The following VWA3B variants were observed in gnomAD, a reference collection of about 807,000 sequenced individuals.
VWA3B encodes the protein von Willebrand factor A domain-containing protein 3B.
A neutral mutation model predicts 158.3 loss-of-function variants in VWA3B; 138 were observed. The ratio of observed to expected loss-of-function variants is 0.87; its 90% confidence interval spans 0.76 to 1.00. VWA3B has a LOEUF of 1.00. VWA3B is among the 50% of genes least tolerant of loss of function. VWA3B has a pLI of 0.00. For synonymous variants in VWA3B, 596 were observed against 587.3 expected (o/e 1.01, Z -0.21); for missense variants, 1,555 against 1,565.1 (o/e 0.99, Z 0.11).
rs561474725 is a variant in VWA3B, at chr2:98,106,597, C to A, written c.197-9055C>A. 3.9e-5 allele frequency among the ~76,000 whole-genome samples: 6 copies of A among 152,152 alleles called. No individual in the cohort carries two copies. The Middle Eastern group carries it at 0.01, about 261-fold the overall frequency. The stretch of plus-strand genomic sequence containing the variant: ...GTCTTAAAATTTTCAGTATACGAAG[C>A]CTGCACATGTTTTGTTAGATTTATA... On this transcript the variant is annotated intron_variant, in intron 2 of 27. Transcript: ENST00000477737.
intron 11 of VWA3B, 56 bp from the exon 12 acceptor site, chr2:98,194,305 A>T (rs531245731): frequency 2.5e-6 from 4 of 1,585,056 alleles, no homozygotes; most frequent in South Asian, 2.3e-5. Flanking sequence ...TGGCCTACCC[A>T]AACCCTTTCT....
intron 16 of VWA3B, 22 bp from the exon 17 acceptor site, chr2:98,234,626 C>T: frequency 6.2e-7 from 1 of 1,614,032 alleles, no homozygotes; most frequent in Non-Finnish European, 8.5e-7. Flanking sequence ...TCCTTTAACT[C>T]TTCCCTCTGT....
intron 21 of VWA3B, among the ~76,000 whole-genome samples, chr2:98,261,177 T>G (rs1687456560): frequency 6.6e-6 from 1 of 151,866 alleles, no homozygotes; most frequent in Non-Finnish European, 1.5e-5. Context: ...TTTCCTTTTC[T>G]GTATACTTTT....
chr2:98,110,108 C>G (rs116740774), intron 2 of VWA3B, among the ~76,000 whole-genome samples: 1 of 150,692 alleles, frequency 6.6e-6, no homozygotes, highest in African/African-American at 2.4e-5. Flanking sequence ...TTTCTTCCCC[C>G]TACCCTCTTT....
chr2:98,307,799 C>T (rs1690620635), intron 26 of VWA3B, among the ~76,000 whole-genome samples: 2 of 152,224 alleles, frequency 1.3e-5, no homozygotes, highest in African/African-American at 4.8e-5. Context: ...ACATCTCCAA[C>T]AGAACATTAT....
rs1679138202 is a variant in VWA3B at position 98,166,985 on chromosome 2, A to T, written c.1114+4009A>T. On this transcript the variant is annotated intron_variant, in intron 8 of 27. Coordinates refer to ENST00000477737, the MANE Select transcript of VWA3B (RefSeq NM_144992.5). ...TCTGGCCCTCTATACCACGTGTCCGACCTGCTCTCATTCCCACCGCAGCCC... is the reference window on the plus strand; with the variant it reads ...TCTGGCCCTCTATACCACGTGTCCGTCCTGCTCTCATTCCCACCGCAGCCC... Among the ~76,000 whole-genome samples the T allele has an allele frequency of 2.0e-5, 3 of 152,192 alleles. No individual in the cohort carries two copies. The South Asian group carries it at 6.2e-4, about 32-fold the overall frequency.
intron 1 of VWA3B, among the ~76,000 whole-genome samples, chr2:98,088,762 AT>A (rs967381124): frequency 2.7e-5 from 4 of 150,388 alleles, no homozygotes; most frequent in Admixed American, 1.3e-4. Flanking sequence ...ATCCCCCTTT[AT>A]TTTTTTTTGA....
intron 7 of VWA3B, 191 bp downstream of exon 7, chr2:98,134,130 C>T: frequency 6.6e-6 from 4 of 609,168 alleles, no homozygotes; most frequent in Non-Finnish European, 1.2e-5. Context: ...CATAAGTTTA[C>T]AATCCAGGGA....
intron 20 of VWA3B, among the ~76,000 whole-genome samples, chr2:98,255,182 A>ATT (rs769708577): frequency 0.65 from 33,479 of 51,570 alleles, 13,159 homozygotes; most frequent in South Asian, 0.77. Context: ...CCCGGCTGAT[A>ATT]TTTTTTTTTT....
chr2:98,315,428 G>A (rs927547537), downstream of VWA3B, among the ~76,000 whole-genome samples: 5 of 152,174 alleles, frequency 3.3e-5, no homozygotes, highest in Non-Finnish European at 7.3e-5. Context: ...CTATAGGGAT[G>A]GAGTGATTGA....
At chr2:98,317,331 A>ACCC (rs11409838), downstream of VWA3B, among the ~76,000 whole-genome samples, 1,068 of 150,846 alleles carry the variant, frequency 7.1e-3, 10 homozygotes, top group African/African-American at 0.025. Flanking sequence ...AAAATTCTAA[A>ACCC]CCCCCCCCAG....
chr2:98,169,143 C>T (rs1679361335), intron 8 of VWA3B, among the ~76,000 whole-genome samples: 2 of 152,186 alleles, frequency 1.3e-5, no homozygotes, highest in Admixed American at 1.3e-4. Context: ...AGGATGACAG[C>T]AGATTTCTCA....
chr2:98,247,302 AT>A (rs543115051), intron 19 of VWA3B, among the ~76,000 whole-genome samples: 1 of 151,834 alleles, frequency 6.6e-6, no homozygotes, highest in Non-Finnish European at 1.5e-5. Flanking sequence ...CCAGCCAACA[AT>A]TTTTTTTAAC....
At chr2:98,218,503 T>A (rs955948144) in intron 14 of VWA3B, among the ~76,000 whole-genome samples, 1 of 152,204 alleles carries the variant, frequency 6.6e-6, no homozygotes. Context: ...ACACAGATAT[T>A]TGTAGAAAAT....
At chr2:98,171,253 C>T (rs766408560) in intron 8 of VWA3B, among the ~76,000 whole-genome samples, 1 of 152,138 alleles carries the variant, frequency 6.6e-6, no homozygotes, top group Non-Finnish European at 1.5e-5. Flanking sequence ...CCATCTCTTG[C>T]TCCGTGAAGG....
In VWA3B at chr2:98,185,584, C is replaced by T. The variant is rs548808682; in HGVS notation, c.1312-2391C>T. Among the ~76,000 whole-genome samples, 3 of 152,346 alleles carry T rather than the reference C, an allele frequency of 2.0e-5. No individual in the cohort carries two copies. The East Asian group carries it at 5.8e-4, about 29-fold the overall frequency. On this transcript the variant is annotated intron_variant, in intron 9 of 27. Transcript: ENST00000477737. Reference sequence around the variant, plus strand: ...AACACCTAGCACCTTCCGCTCCACGCTCACTCCACTCACTCTCTGCAGGTG... The same window carrying T: ...AACACCTAGCACCTTCCGCTCCACGTTCACTCCACTCACTCTCTGCAGGTG...
Position 98,119,503 on chromosome 2 carries a change from T to A in VWA3B, c.292-10T>A. 1 of 1,612,188 alleles carries A rather than the reference T, an allele frequency of 6.2e-7. No homozygotes were observed. The highest frequency in any genetic ancestry group is 8.5e-7 in the Non-Finnish European group (1 of 1,179,092). ...TTGTTTTATTGTTTTTGTCTTTTAT[T>A]TTCATTAAGCTGACAGCTAAATCAG... On this transcript the variant is annotated splice_polypyrimidine_tract_variant and intron_variant, in intron 3 of 27. Coordinates refer to ENST00000477737, the MANE Select transcript of VWA3B (RefSeq NM_144992.5).
At chr2:98,250,533 A>G in intron 20 of VWA3B, 97 bp downstream of exon 20, 2 of 956,596 alleles carry the variant, frequency 2.1e-6, no homozygotes, top group Non-Finnish European at 3.1e-6. Flanking sequence ...TTTTTTTTTA[A>G]TGAAGCAGCT....
intron 7 of VWA3B, among the ~76,000 whole-genome samples, chr2:98,146,171 G>T (rs977079031): frequency 6.6e-6 from 1 of 152,170 alleles, no homozygotes; most frequent in East Asian, 1.9e-4. Flanking sequence ...CAGAAAAAAT[G>T]TTGGATCGTA....
Sources: allele counts gnomAD v4.1 joint callset (sites outside exome capture counted in the v4.1 genomes callset), GRCh38; gene constraint gnomAD v4.1.1; transcripts MANE v1.5; gene names NCBI Gene and HGNC (gene_info 2026-07-23, HGNC 2026-07-21).